The following ACSBG1 variants were observed in gnomAD, a reference collection of about 807,000 sequenced individuals.
ACSBG1 encodes the protein acyl-CoA synthetase bubblegum family member 1.
In ACSBG1, 39 loss-of-function variants were observed where a neutral mutation model predicts 80.2. The observed-to-expected ratio is 0.49, with a 90% confidence interval of 0.38 to 0.64. ACSBG1 has a LOEUF of 0.64. ACSBG1 is among the 30% of genes least tolerant of loss of function. The pLI is 0.00. For synonymous variants in ACSBG1, 392 were observed against 379.5 expected (o/e 1.03, Z -0.38); for missense variants, 828 against 966.4 (o/e 0.86, Z 1.90).
chr15:78,212,629 C>T, intron 1 of ACSBG1: 1 of 455,680 alleles, frequency 2.2e-6, no homozygotes, highest in South Asian at 1.6e-5. Flanking sequence ...AATCTGTGAG[C>T]TTGCCCAGGA....
intron 5 of ACSBG1, among the ~76,000 whole-genome samples, chr15:78,185,505 T>A (rs772970256): frequency 6.6e-6 from 1 of 151,856 alleles, no homozygotes; most frequent in Non-Finnish European, 1.5e-5. Context: ...GAAAAAAAAA[T>A]GGAAAAAAAT....
chr15:78,202,037 G>C (rs976335562), intron 2 of ACSBG1, among the ~76,000 whole-genome samples: 3 of 152,204 alleles, frequency 2.0e-5, no homozygotes, highest in Non-Finnish European at 4.4e-5. Flanking sequence ...CAATGGGGTG[G>C]TGGAAGTCAC....
chr15:78,211,048 A>T (rs1595897783), intron 1 of ACSBG1, among the ~76,000 whole-genome samples: 2 of 152,244 alleles, frequency 1.3e-5, no homozygotes, highest in Non-Finnish European at 2.9e-5. Flanking sequence ...CAAAACAGCC[A>T]AGCTCGTTAG....
chr15:78,195,397 G>C (rs2075104355), intron 2 of ACSBG1, among the ~76,000 whole-genome samples: 1 of 152,162 alleles, frequency 6.6e-6, no homozygotes, highest in Non-Finnish European at 1.5e-5. Context: ...GCAGGGTCAG[G>C]ATTTGAACTC....
chr15:78,191,745 A>G (rs2141344835), intron 5 of ACSBG1, among the ~76,000 whole-genome samples: 1 of 152,358 alleles, frequency 6.6e-6, no homozygotes, highest in South Asian at 2.1e-4. Flanking sequence ...GAAGCCCAAC[A>G]TAACTGAAAG....
At position 78,178,424 on chromosome 15, in the gene ACSBG1, G is replaced by A. The variant is rs1317749570; in HGVS notation, c.1702+190C>T. On this transcript the variant is annotated intron_variant, in intron 11 of 13. Transcript: ENST00000258873. This position sits in a 1 kb window ranked among gnomAD's most constrained non-coding sequence, Gnocchi z 4.3. Reference sequence around the variant, plus strand: ...AGTAATTCTCGTGCCTCAGCCTCCCGAATAGCTGGGATTACAGGTGCATGC... The same window carrying A: ...AGTAATTCTCGTGCCTCAGCCTCCCAAATAGCTGGGATTACAGGTGCATGC... Among the ~76,000 whole-genome samples, 3 of 152,072 alleles carry A rather than the reference G, an allele frequency of 2.0e-5. No homozygotes were observed. The highest frequency in any genetic ancestry group is 7.2e-5 in the African/African-American group (3 of 41,414).
At chr15:78,225,153 A>G (rs2141389092) in intron 1 of ACSBG1, among the ~76,000 whole-genome samples, 1 of 152,216 alleles carries the variant, frequency 6.6e-6, no homozygotes, top group East Asian at 1.9e-4. Context: ...TAATCCCAGC[A>G]CTTTGGGAGG....
chr15:78,213,365 C>G (rs2075282765), intron 1 of ACSBG1: 1 of 152,354 alleles, frequency 6.6e-6, no homozygotes, highest in Admixed American at 6.5e-5. Context: ...AATTCCCAGC[C>G]TGAAGACCCC....
In ACSBG1 at chr15:78,182,094, C is replaced by G. The variant is rs779805367; in HGVS notation, c.946G>C (p.Glu316Gln). 2 of 1,613,068 alleles carry G rather than the reference C, an allele frequency of 1.2e-6. No individual in the cohort carries two copies. Among genetic ancestry groups the G allele is most frequent in the South Asian group, 1.1e-5 (1 of 91,082 alleles). The change falls in exon 8 of 14, where the codon GAA becomes CAA. Residue 316 changes from glutamate to glutamine, a missense_variant. By Grantham distance (29) the Glu-to-Gln change is conservative. Transcript: ENST00000258873. ...GSQAGDIRPAEVQQEVVVSYL... is the reference protein window; with the variant it reads ...GSQAGDIRPAQVQQEVVVSYL... ...CTGACTACCACCTCCTGCTGGACTTCTGCCGGCCGGATGTCACCGGCCTGG... is the reference window on the plus strand; with the variant it reads ...CTGACTACCACCTCCTGCTGGACTTGTGCCGGCCGGATGTCACCGGCCTGG...
At chr15:78,228,840 A>G (rs989478395) in intron 1 of ACSBG1, among the ~76,000 whole-genome samples, 7 of 152,190 alleles carry the variant, frequency 4.6e-5, no homozygotes, top group African/African-American at 1.7e-4. Flanking sequence ...CATTTCCTAG[A>G]AAGTTCTTCC....
intron 2 of ACSBG1, among the ~76,000 whole-genome samples, chr15:78,196,991 G>A (rs1177492550): frequency 1.3e-5 from 2 of 151,940 alleles, no homozygotes; most frequent in East Asian, 1.9e-4. Context: ...TTGAGTATGG[G>A]AGGTCAAGGC....
At chr15:78,213,278 G>A (rs145209060) in intron 1 of ACSBG1, among the ~76,000 whole-genome samples, 1 of 152,224 alleles carries the variant, frequency 6.6e-6, no homozygotes, top group Non-Finnish European at 1.5e-5. Context: ...CGGACCCCAC[G>A]CCCCCTGCTT....
chr15:78,230,229 T>C (rs1255992260), intron 1 of ACSBG1, among the ~76,000 whole-genome samples: 1 of 152,168 alleles, frequency 6.6e-6, no homozygotes, highest in African/African-American at 2.4e-5. Context: ...CAGTGTTAGC[T>C]CAGACCCCAC....
Position 78,177,564 on chromosome 15 carries a change from C to T in ACSBG1, c.1702+1050G>A, listed in dbSNP as rs546230822. Reference sequence around the variant, plus strand: ...CATTACAAAGAGGCACACTAGGCGGCGCCCATGGCACATCCAAGCAGTCAC... The same window carrying T: ...CATTACAAAGAGGCACACTAGGCGGTGCCCATGGCACATCCAAGCAGTCAC... On this transcript the variant is annotated intron_variant, in intron 11 of 13. Coordinates refer to ENST00000258873, the MANE Select transcript of ACSBG1 (RefSeq NM_015162.5). The surrounding 1 kb of genome is among the most constrained non-coding windows in gnomAD (Gnocchi z 4.1). 3.3e-5 allele frequency among the ~76,000 whole-genome samples: 5 copies of T among 152,270 alleles called. No homozygotes were observed. Among genetic ancestry groups the T allele is most frequent in the East Asian group, 1.9e-4 (1 of 5,168 alleles).
Position 78,207,813 on chromosome 15 carries a change from C to T in ACSBG1, c.232+189G>A, listed in dbSNP as rs531748128. 396 of 602,612 alleles carry T rather than the reference C, an allele frequency of 6.6e-4. 4 individuals carry two copies. In the African/African-American group the frequency reaches 6.7e-3, roughly 10 times the overall value. The allele number at this position is 602,612 out of a possible 1,614,324, so 37.3% of individuals were successfully genotyped here. ...CCATCCCTCATTCCTTTCCATCACG[C>T]CTGGCCCTGATGGCAGCCATGAAGG... On this transcript the variant is annotated intron_variant, in intron 2 of 13. Coordinates refer to ENST00000258873, the MANE Select transcript of ACSBG1 (RefSeq NM_015162.5).
intron 5 of ACSBG1, among the ~76,000 whole-genome samples, chr15:78,188,426 A>G (rs1273464836): frequency 6.6e-6 from 1 of 151,846 alleles, no homozygotes; most frequent in Non-Finnish European, 1.5e-5. Context: ...TTCAAACTAC[A>G]CTACAAGGCT....
chr15:78,185,507 G>GA (rs1375902068), intron 5 of ACSBG1, among the ~76,000 whole-genome samples: 2 of 152,014 alleles, frequency 1.3e-5, no homozygotes, highest in African/African-American at 4.8e-5. Flanking sequence ...AAAAAAAATG[G>GA]AAAAAAATTA....
rs928765053 is a variant in ACSBG1 at position 78,168,116 on chromosome 15, A to T, written c.*3328T>A. ...AGTTGTATGGGAGGCTTTCTTTCCT[A>T]AAGAGGGAGGTTTAAGAGTTAATGA... On this transcript the variant is annotated 3_prime_UTR_variant, in exon 14 of 14. Coordinates refer to ENST00000258873, the MANE Select transcript of ACSBG1 (RefSeq NM_015162.5). The T allele has an allele frequency of 6.6e-6, 1 of 152,128 alleles. No homozygotes were observed. Among genetic ancestry groups the T allele is most frequent in the Admixed American group, 6.6e-5 (1 of 15,262 alleles). 9.4% of individuals were successfully genotyped at this position (152,128 alleles called of 1,614,324 possible).
In ACSBG1 at chr15:78,177,841, C is replaced by T. The variant is rs1005094542; in HGVS notation, c.1702+773G>A. 2.6e-5 allele frequency among the ~76,000 whole-genome samples: 4 copies of T among 152,174 alleles called. No individual in the cohort carries two copies. Among genetic ancestry groups the T allele is most frequent in the African/African-American group, 4.8e-5 (2 of 41,452 alleles). ...TCCCACGTGGATGCTGCGGGCATGA[C>T]ACCAACTTGGGTGAAGCAGGCAGAA... On this transcript the variant is annotated intron_variant, in intron 11 of 13. Transcript: ENST00000258873. This position sits in a 1 kb window ranked among gnomAD's most constrained non-coding sequence, Gnocchi z 4.1.
Sources: gnomAD v4.1 joint callset for allele counts (sites outside exome capture counted in the v4.1 genomes callset) on GRCh38, gnomAD v4.1.1 for gene constraint, Gnocchi (gnomAD v3.1) non-coding constraint, MANE v1.5 for transcripts, NCBI Gene and HGNC (gene_info 2026-07-23, HGNC 2026-07-21) for gene names.